Variants in DCAF6 observed in about 807,000 individuals in gnomAD.
DCAF6 encodes the protein DDB1 and CUL4 associated factor 6.
A neutral mutation model predicts 125.1 loss-of-function variants in DCAF6; 54 were observed. The ratio of observed to expected loss-of-function variants is 0.43; its 90% CI spans 0.35 to 0.54. The LOEUF is 0.54. Ranked by LOEUF, DCAF6 falls within the 20% of genes least tolerant of loss-of-function variation. DCAF6 has a pLI of 0.01. For missense variants in DCAF6, 934 were observed against 1,161.7 expected (o/e 0.80, Z 2.85); for synonymous variants, 371 against 390.4 (o/e 0.95, Z 0.58).
rs746705183 is a variant in DCAF6 at position 168,065,685 on chromosome 1, G to C, written c.2535G>C (p.Leu845Phe). 1.9e-6 allele frequency: 3 copies of C among 1,613,096 alleles called. No individual in the cohort carries two copies. Among genetic ancestry groups the C allele is most frequent in the Non-Finnish European group, 2.5e-6 (3 of 1,179,488 alleles). ...FIWDRHTAEHLMLLEADNHVV... is the reference protein window; with the variant it reads ...FIWDRHTAEHFMLLEADNHVV... ...GGGATCGGCACACTGCTGAGCATTT[G>C]ATGCTTCTGGAAGCTGATAATCATG... is the stretch of plus-strand genomic sequence containing the variant. Residue 845 changes from leucine (L) to phenylalanine (F), a missense_variant, in exon 19 of 22, where the codon TTG becomes TTC. Transcript: ENST00000367840.
At chr1:167,916,482 C>T in the DCAF6 span, among the ~76,000 whole-genome samples, 1 of 152,232 alleles carries the variant, frequency 6.6e-6, no homozygotes, top group Non-Finnish European at 1.5e-5. Context: ...GCTCGGATTA[C>T]AGGCGTGAGC....
intron 12 of DCAF6, among the ~76,000 whole-genome samples, chr1:168,029,201 A>G (rs1686728894): frequency 6.6e-6 from 1 of 152,242 alleles, no homozygotes; most frequent in Non-Finnish European, 1.5e-5. Flanking sequence ...TTGTCTTATC[A>G]TAAAAATAAC....
At chr1:167,893,738 A>G in the DCAF6 span, 1 of 599,276 alleles carries the variant, frequency 1.7e-6, no homozygotes, top group Non-Finnish European at 3.0e-6. Context: ...TTTTATTTTA[A>G]TGGAACATTT....
At chr1:168,063,227 A>T in intron 17 of DCAF6, among the ~76,000 whole-genome samples, 1 of 152,132 alleles carries the variant, frequency 6.6e-6, no homozygotes, top group East Asian at 1.9e-4. Flanking sequence ...GTTTCTTTTC[A>T]TTTCTCTTTA....
chr1:167,916,561 AAAGAAAAG>A, the DCAF6 span, among the ~76,000 whole-genome samples: 448 of 116,248 alleles, frequency 3.9e-3, 1 homozygote, highest in African/African-American at 0.017. Context: ...TTGGGGCAGA[AAAGAAAAG>A]AAGCATGTGA....
At chr1:167,966,583 CTTTT>C (rs768169376) in intron 2 of DCAF6, 42 bp from the exon 3 acceptor site, 5 of 1,260,676 alleles carry the variant, frequency 4.0e-6, no homozygotes, top group African/African-American at 1.5e-5. Context: ...GGCATATTTT[CTTTT>C]ATGTCCAATT....
intron 2 of DCAF6, among the ~76,000 whole-genome samples, chr1:167,963,310 C>T (rs1489107802): frequency 6.6e-6 from 1 of 151,580 alleles, no homozygotes; most frequent in Non-Finnish European, 1.5e-5. Flanking sequence ...TATTGACATT[C>T]AAAGGGATTA....
chr1:167,983,622 C>G (rs559791726), intron 4 of DCAF6, among the ~76,000 whole-genome samples: 1 of 152,320 alleles, frequency 6.6e-6, no homozygotes, highest in South Asian at 2.1e-4. Flanking sequence ...GTAGGGCCTT[C>G]TTGGGTCCTT....
chr1:167,984,000 G>GT (rs1465877568), intron 4 of DCAF6, among the ~76,000 whole-genome samples: 1 of 152,162 alleles, frequency 6.6e-6, no homozygotes, highest in Non-Finnish European at 1.5e-5. Flanking sequence ...CGAAGTTACT[G>GT]TTTTTTACAA....
In DCAF6 at chr1:167,979,035, C is replaced by A. The variant is rs114585189; in HGVS notation, c.438+4020C>A. ...ATCTTTTGCATCCTGGTTAAGAAAT[C>A]TTTTCCTATCCCAAAGTTATGAAGA... On this transcript the variant is annotated intron_variant, in intron 4 of 21. Coordinates refer to ENST00000367840, the MANE Select transcript of DCAF6 (RefSeq NM_001198956.2). Among the ~76,000 whole-genome samples the A allele has an allele frequency of 5.5e-3, 832 of 152,210 alleles. 8 individuals are homozygous for A. Among genetic ancestry groups the A allele is most frequent in the African/African-American group, 0.018 (758 of 41,512 alleles).
chr1:167,925,692 G>A, the DCAF6 span, among the ~76,000 whole-genome samples: 3 of 150,914 alleles, frequency 2.0e-5, no homozygotes, highest in Non-Finnish European at 4.4e-5. Context: ...GATTACAGGC[G>A]CCTGCCACCA....
chr1:168,041,932 AC>A (rs1688595341), intron 13 of DCAF6, among the ~76,000 whole-genome samples: 1 of 151,146 alleles, frequency 6.6e-6, no homozygotes, highest in Non-Finnish European at 1.5e-5. Context: ...ACACACACAC[AC>A]AAATTCAGTA....
chr1:168,005,062 T>A (rs182647165), intron 10 of DCAF6, among the ~76,000 whole-genome samples: 1 of 152,318 alleles, frequency 6.6e-6, no homozygotes, highest in East Asian at 1.9e-4. Context: ...CATAGTTTAA[T>A]GTGCCTGACT....
intron 2 of DCAF6, among the ~76,000 whole-genome samples, chr1:167,957,475 A>G (rs1246063995): frequency 1.3e-5 from 2 of 152,164 alleles, no homozygotes; most frequent in East Asian, 1.9e-4. Context: ...CATTGTACAC[A>G]TATACCACAT....
At chr1:167,982,390 T>C (rs1679326628) in intron 4 of DCAF6, among the ~76,000 whole-genome samples, 1 of 152,044 alleles carries the variant, frequency 6.6e-6, no homozygotes, top group African/African-American at 2.4e-5. Context: ...TATAGGCGCA[T>C]GCAACCACGC....
intron 3 of DCAF6, among the ~76,000 whole-genome samples, chr1:167,974,400 T>A (rs946866379): frequency 6.6e-6 from 1 of 152,192 alleles, no homozygotes; most frequent in African/African-American, 2.4e-5. Context: ...CTGTGTCTTA[T>A]GTGTACCATT....
At chr1:168,053,807 G>T (rs776789509) in intron 17 of DCAF6, among the ~76,000 whole-genome samples, 2 of 152,178 alleles carry the variant, frequency 1.3e-5, no homozygotes, top group Non-Finnish European at 2.9e-5. Flanking sequence ...TATTTTTGCA[G>T]TTTACGCAAG....
intron 10 of DCAF6, among the ~76,000 whole-genome samples, chr1:168,009,987 GAT>G (rs1684061495): frequency 6.6e-6 from 1 of 152,062 alleles, no homozygotes; most frequent in African/African-American, 2.4e-5. Context: ...TCTTTAAGCT[GAT>G]ATAGACTAGA....
the DCAF6 span, chr1:167,903,928 A>G: frequency 6.2e-7 from 1 of 1,613,950 alleles, no homozygotes; most frequent in Non-Finnish European, 8.5e-7. Flanking sequence ...GATCTCCACC[A>G]ACTGCTCAGC....
Sources: gnomAD v4.1 joint callset for allele counts (sites outside exome capture counted in the v4.1 genomes callset) on GRCh38, gnomAD v4.1.1 for gene constraint, MANE v1.5 for transcripts, NCBI Gene and HGNC (gene_info 2026-07-23, HGNC 2026-07-21) for gene names.